Variants in PGM2 observed in about 807,000 individuals in gnomAD.
PGM2 encodes phosphopentomutase.
A neutral mutation model predicts 74.6 loss-of-function variants in PGM2; 57 were observed. That is an observed-to-expected ratio of 0.76 (90% CI 0.62 to 0.95). The LOEUF (loss-of-function observed/expected upper bound fraction) is 0.95. Among genes scored for constraint, PGM2 ranks in the 40% least tolerant of loss-of-function variants. The probability of loss-of-function intolerance (pLI) is 0.00; values close to 1 mark genes in which losing one functional copy is unlikely to be tolerated. For synonymous variants in PGM2, 273 were observed against 260.7 expected (o/e 1.05, Z -0.46); for missense variants, 706 against 741.9 (o/e 0.95, Z 0.56).
rs1711782341 is a variant in PGM2, at chr4:37,861,734, A to G, written c.*122A>G. The stretch of plus-strand genomic sequence containing the variant: ...ACAGGTATTTATGTGTTTTACAAAG[A>G]CCTACATTCCTCATTGTTTCATGTT... On this transcript the variant is annotated 3_prime_UTR_variant, in exon 14 of 14. Transcript: ENST00000381967. 3.4e-6 allele frequency: 2 copies of G among 588,624 alleles called. No homozygotes were observed. Among genetic ancestry groups the G allele is most frequent in the Admixed American group, 5.0e-5 (2 of 39,720 alleles). The allele number at this position is 588,624 out of a possible 1,614,324, so 36.5% of individuals were successfully genotyped here. A position where few individuals can be genotyped will look rare whatever the true frequency, so the allele number is the denominator to read the frequency against.
intron 2 of PGM2, among the ~76,000 whole-genome samples, chr4:37,834,189 T>A (rs949003795): frequency 3.3e-5 from 5 of 151,850 alleles, no homozygotes; most frequent in Non-Finnish European, 5.9e-5. Flanking sequence ...TAAAAATTAG[T>A]TGGGCCTGGT....
At chr4:37,845,398 A>G (rs1725844185) in intron 7 of PGM2, among the ~76,000 whole-genome samples, 1 of 152,188 alleles carries the variant, frequency 6.6e-6, no homozygotes, top group Non-Finnish European at 1.5e-5. Flanking sequence ...CTTGGGTCAC[A>G]CACCGATGCT....
At chr4:37,830,798 A>G (rs1272849684) in intron 2 of PGM2, among the ~76,000 whole-genome samples, 1 of 152,222 alleles carries the variant, frequency 6.6e-6, no homozygotes, top group African/African-American at 2.4e-5. Context: ...AAAATTGCCT[A>G]ATAGTGATTA....
Position 37,844,496 on chromosome 4 carries a change from G to T in PGM2, c.852G>T (p.Pro284=). 1 of 1,613,846 alleles carries T rather than the reference G, an allele frequency of 6.2e-7. No homozygotes were observed. The highest frequency in any genetic ancestry group is 8.5e-7 in the Non-Finnish European group (1 of 1,179,734). Reference sequence around the variant, plus strand: ...AGGCTGTTCCTGAACAGAAAGATCCGGATCCTGAGTTTCCAACAGTGAAAT... The same window carrying T: ...AGGCTGTTCCTGAACAGAAAGATCCTGATCCTGAGTTTCCAACAGTGAAAT... ...PPEAVPEQKD[P]DPEFPTVKYP... is the part of the protein sequence containing the mutation. Residue 284 remains proline (P), a synonymous_variant, in exon 7 of 14, where the codon CCG becomes CCT. Transcript: ENST00000381967.
At chr4:37,829,860 A>G (rs1448124334) in intron 1 of PGM2, 104 bp from the exon 2 acceptor site, 1 of 361,556 alleles carries the variant, frequency 2.8e-6, no homozygotes, top group Non-Finnish European at 4.8e-6. Context: ...ATATATATAT[A>G]CATATATATA....
At chr4:37,858,512 T>TG (rs1484583672) in intron 13 of PGM2, among the ~76,000 whole-genome samples, 2 of 119,854 alleles carry the variant, frequency 1.7e-5, no homozygotes, top group East Asian at 2.7e-4. Context: ...AATTTTTTGG[T>TG]GTTTTTTTTT....
rs763721701 is a variant in PGM2 at position 37,848,695 on chromosome 4, A to G, written c.1412+44A>G. On this transcript the variant is annotated intron_variant, in intron 11 of 13. Coordinates refer to ENST00000381967, the MANE Select transcript of PGM2 (RefSeq NM_018290.4). ...TGTTGGATTGAAATAATATTTTGAA[A>G]TGTTCTATTATATACTTATGCATGA... 4.3e-6 allele frequency: 6 copies of G among 1,405,340 alleles called. No homozygotes were observed. The East Asian group carries it at 9.1e-5, about 21-fold the overall frequency. The allele number at this position is 1,405,340 out of a possible 1,614,324, so 87.1% of individuals were successfully genotyped here.
At chr4:37,833,801 T>G (rs1342614993) in intron 2 of PGM2, among the ~76,000 whole-genome samples, 1 of 152,152 alleles carries the variant, frequency 6.6e-6, no homozygotes, top group African/African-American at 2.4e-5. Context: ...GAGGTAGGTA[T>G]TATTGTTATT....
chr4:37,855,776 TC>T, intron 13 of PGM2, 35 bp downstream of exon 13: 1 of 1,552,612 alleles, frequency 6.4e-7, no homozygotes, highest in South Asian at 1.2e-5. Flanking sequence ...TGATTTTTAC[TC>T]CCCAGACTTC....
chr4:37,838,889 A>G (rs1001249247), intron 4 of PGM2, among the ~76,000 whole-genome samples: 2 of 152,148 alleles, frequency 1.3e-5, no homozygotes, highest in Non-Finnish European at 2.9e-5. Context: ...AGGGTGTTCA[A>G]TGACTGCAGT....
In PGM2 at chr4:37,848,529, G is replaced by A. The variant is rs1725940224; in HGVS notation, c.1290G>A (p.Met430Ile). The change falls in exon 11 of 14, where the codon ATG (methionine) becomes ATA (isoleucine). Residue 430 changes from methionine (M) to isoleucine (I), a missense_variant. This residue lies in a region of PGM2 where 359 missense variants were observed against 371.1 expected (regional missense o/e 0.97). Transcript: ENST00000381967. ...LFAFEEAIGY[M>I]CCPFVLDKDG... ...TGACGTGTGTTTCTGCAGGATACAT[G>A]TGCTGCCCTTTTGTTCTGGACAAAG... 6.2e-7 allele frequency: 1 copy of A among 1,613,346 alleles called. No homozygotes were observed. The highest frequency in any genetic ancestry group is 8.5e-7 in the Non-Finnish European group (1 of 1,179,550).
chr4:37,827,113 G>T (rs1725313262), intron 1 of PGM2, among the ~76,000 whole-genome samples: 1 of 152,238 alleles, frequency 6.6e-6, no homozygotes, highest in African/African-American at 2.4e-5. Context: ...GCCAGACCCT[G>T]GACGCTGTCT....
intron 12 of PGM2, among the ~76,000 whole-genome samples, chr4:37,854,679 A>AAAC (rs1553887156): frequency 6.6e-6 from 1 of 151,908 alleles, no homozygotes; most frequent in African/African-American, 2.4e-5. Context: ...TTTAAAAAAA[A>AAAC]AAAACAAAAA....
In PGM2 at chr4:37,855,122, C is replaced by T. The variant is rs192064717; in HGVS notation, c.1603-486C>T. Among the ~76,000 whole-genome samples, 676 of 152,222 alleles carry T rather than the reference C, an allele frequency of 4.4e-3. 3 individuals carry two copies. The highest frequency in any genetic ancestry group is 0.011 in the Admixed American group (167 of 15,290). ...ATAGTCACCGTATTGTACAATAGAT[C>T]TCTTGAACTTCTCTTCTGTCTAGCT... On this transcript the variant is annotated intron_variant, in intron 12 of 13. Coordinates refer to ENST00000381967, the MANE Select transcript of PGM2 (RefSeq NM_018290.4).
Position 37,845,488 on chromosome 4 carries a change from C to G in PGM2, c.910-145C>G. ...TGCAGCTTTTGTTTGCTAAATTTCA[C>G]TTCTGGAGCTGTCTTGGTTGGTCCT... On this transcript the variant is annotated intron_variant, in intron 7 of 13. Transcript: ENST00000381967. The G allele has an allele frequency of 5.2e-6, 3 of 571,734 alleles. No individual in the cohort carries two copies. The East Asian group carries it at 9.0e-5, about 17-fold the overall frequency. 35.4% of individuals were successfully genotyped at this position (571,734 alleles called of 1,614,324 possible).
At chr4:37,834,247 G>T (rs549076313) in intron 2 of PGM2, among the ~76,000 whole-genome samples, 1 of 151,886 alleles carries the variant, frequency 6.6e-6, no homozygotes, top group Non-Finnish European at 1.5e-5. Flanking sequence ...GGTAGGGGGG[G>T]ATTGCTTAAA....
rs1405544489 is a variant in PGM2, at chr4:37,834,618, G to A, written c.250G>A (p.Gly84Arg). ...NDLTIIQTTQ[G>R]FCRYLEKQFS... ...TTTTAAATCTATGGTGTATTTGTAG[G>A]GATTTTGCAGATACCTGGAAAAACA... is the stretch of plus-strand genomic sequence containing the variant. The change falls in exon 3 of 14, where the codon GGA becomes AGA. Residue 84 changes from glycine (G) to arginine (R), a missense_variant and splice_region_variant. This residue lies in a region of PGM2 where 332 missense variants were observed against 334.9 expected (regional missense o/e 0.99). Transcript: ENST00000381967. The A allele has an allele frequency of 1.4e-6, 2 of 1,457,006 alleles. No homozygotes were observed. Among genetic ancestry groups the A allele is most frequent in the South Asian group, 1.2e-5 (1 of 86,014 alleles). The allele number at this position is 1,457,006 out of a possible 1,614,324, so 90.3% of individuals were successfully genotyped here. A position where few individuals can be genotyped will look rare whatever the true frequency, so the allele number is the denominator to read the frequency against.
At chr4:37,837,872 C>A (rs950393327) in intron 4 of PGM2, among the ~76,000 whole-genome samples, 1 of 142,242 alleles carries the variant, frequency 7.0e-6, no homozygotes, top group South Asian at 2.1e-4. Flanking sequence ...TAAGGGTATT[C>A]GAGAGAGTCA....
intron 2 of PGM2, among the ~76,000 whole-genome samples, chr4:37,832,798 T>G (rs991525355): frequency 6.6e-6 from 1 of 152,214 alleles, no homozygotes; most frequent in Non-Finnish European, 1.5e-5. Context: ...TACATATTGG[T>G]CTTAGTTCTA....
Sources: gnomAD v4.1 joint callset for allele counts (sites outside exome capture counted in the v4.1 genomes callset) on GRCh38, gnomAD v4.1.1 for gene constraint, gnomAD v4.1.1 regional missense constraint, MANE v1.5 for transcripts, NCBI Gene and HGNC (gene_info 2026-07-23, HGNC 2026-07-21) for gene names.